The following DMXL2 variants were observed in gnomAD, a reference collection of about 807,000 sequenced individuals.
DMXL2 encodes the protein Dmx like 2.
A neutral mutation model predicts 331.1 loss-of-function variants in DMXL2; 103 were observed. The ratio of observed to expected loss-of-function variants is 0.31; its 90% CI spans 0.27 to 0.37. The LOEUF is 0.37. Ranked by LOEUF, DMXL2 falls within the 10% of genes least tolerant of loss-of-function variation. The pLI, the probability that DMXL2 is intolerant of heterozygous loss-of-function variation, is 1.00. For synonymous variants in DMXL2, 1,281 were observed against 1,252.1 expected (o/e 1.02, Z -0.49); for missense variants, 3,171 against 3,642.9 (o/e 0.87, Z 3.33).
intron 13 of DMXL2, among the ~76,000 whole-genome samples, chr15:51,520,241 A>G (rs1480634671): frequency 6.6e-6 from 1 of 152,116 alleles, no homozygotes; most frequent in Non-Finnish European, 1.5e-5. Context: ...CTTATCTCAG[A>G]TATCTATCTC....
chr15:51,472,329 A>C (rs1250307497), intron 28 of DMXL2, among the ~76,000 whole-genome samples: 1 of 152,192 alleles, frequency 6.6e-6, no homozygotes, highest in African/African-American at 2.4e-5. Flanking sequence ...GACCATAACT[A>C]ACACCCTAGG....
chr15:51,507,833 T>G (rs1247933013), intron 15 of DMXL2, among the ~76,000 whole-genome samples: 1 of 151,524 alleles, frequency 6.6e-6, no homozygotes, highest in Non-Finnish European at 1.5e-5. Context: ...AAACTTAAGT[T>G]GTGGGGGAAG....
chr15:51,465,694 A>C, intron 30 of DMXL2, 43 bp from the exon 31 acceptor site: 1 of 1,385,522 alleles, frequency 7.2e-7, no homozygotes, highest in Non-Finnish European at 1.0e-6. Context: ...TGAAAAATAA[A>C]ATCATGGGAG....
At chr15:51,524,833 A>G (rs973522999) in intron 13 of DMXL2, among the ~76,000 whole-genome samples, 3 of 151,712 alleles carry the variant, frequency 2.0e-5, no homozygotes, top group Non-Finnish European at 4.4e-5. Flanking sequence ...AAGGTCTGCA[A>G]CTCCTAGATG....
intron 6 of DMXL2, among the ~76,000 whole-genome samples, chr15:51,557,268 T>A (rs750349455): frequency 1.1e-4 from 17 of 152,182 alleles, no homozygotes; most frequent in Non-Finnish European, 2.1e-4. Context: ...AAAATTTACA[T>A]GATGATTCCA....
intron 22 of DMXL2, among the ~76,000 whole-genome samples, chr15:51,486,879 T>G (rs1027704385): frequency 5.9e-5 from 9 of 152,156 alleles, no homozygotes; most frequent in South Asian, 2.1e-4. Context: ...GAATATCTTC[T>G]AAGCTAAACT....
At chr15:51,540,197 A>AT (rs201174669) in intron 9 of DMXL2, among the ~76,000 whole-genome samples, 7 of 151,662 alleles carry the variant, frequency 4.6e-5, no homozygotes, top group Non-Finnish European at 1.0e-4. Context: ...AGACTAACAG[A>AT]TTTTTTTTTG....
intron 39 of DMXL2, 136 bp from the exon 40 acceptor site, chr15:51,455,364 A>C: frequency 1.3e-6 from 1 of 765,762 alleles, no homozygotes; most frequent in Non-Finnish European, 2.1e-6. Flanking sequence ...TGTCATTCCC[A>C]AAAAGTCCAA....
intron 1 of DMXL2, 56 bp from the exon 2 acceptor site, chr15:51,576,237 A>G (rs2051034411): frequency 8.1e-7 from 1 of 1,237,398 alleles, no homozygotes; most frequent in African/African-American, 1.6e-5. Context: ...AACTTTTGAA[A>G]TCTTATTACA....
intron 13 of DMXL2, among the ~76,000 whole-genome samples, chr15:51,525,600 TACA>T (rs1303288240): frequency 6.6e-6 from 1 of 152,084 alleles, no homozygotes; most frequent in African/African-American, 2.4e-5. Flanking sequence ...AGGCAGCATT[TACA>T]ACAAGCTAAC....
At chr15:51,474,965 A>G (rs1315977047) in intron 27 of DMXL2, among the ~76,000 whole-genome samples, 2 of 152,194 alleles carry the variant, frequency 1.3e-5, no homozygotes, top group Non-Finnish European at 2.9e-5. Flanking sequence ...TGAAAGTATA[A>G]TATTTTACAC....
chr15:51,537,981 C>G (rs1207853393), intron 10 of DMXL2, among the ~76,000 whole-genome samples: 2 of 152,140 alleles, frequency 1.3e-5, no homozygotes, highest in African/African-American at 4.8e-5. Context: ...TACCATTTAG[C>G]AAAACCTGTT....
intron 1 of DMXL2, among the ~76,000 whole-genome samples, chr15:51,594,374 G>A (rs1004804431): frequency 1.3e-5 from 2 of 152,160 alleles, no homozygotes; most frequent in Admixed American, 6.5e-5. Flanking sequence ...GGAAGAAGTT[G>A]AATCTCTGAA....
chr15:51,523,082 AG>A (rs2047469046), intron 13 of DMXL2, among the ~76,000 whole-genome samples: 1 of 152,250 alleles, frequency 6.6e-6, no homozygotes, highest in Admixed American at 6.5e-5. Flanking sequence ...TTAAAAAGCT[AG>A]CCTTTACTTG....
Position 51,471,349 on chromosome 15 carries a change from C to T in DMXL2, c.7266G>A (p.Met2422Ile), listed in dbSNP as rs2041090300. The T allele has an allele frequency of 6.2e-7, 1 of 1,613,992 alleles. No individual in the cohort carries two copies. The highest frequency in any genetic ancestry group is 8.5e-7 in the Non-Finnish European group (1 of 1,179,938). ...CAGGCCTTCCAGGGACGAGCATTCT[C>T]ATGTTAAATCTCCTACGGTGTTTAT... Reference protein sequence around the residue: ...DIDKHRRRFNMRMLVPGRPVK... With the variant: ...DIDKHRRRFNIRMLVPGRPVK... Residue 2422 changes from methionine (M) to isoleucine (I), a missense_variant, in exon 29 of 44, where the codon ATG becomes ATA. This residue lies in a region of DMXL2 where 766 missense variants were observed against 940.5 expected (regional missense o/e 0.81). Transcript: ENST00000560891.
At position 51,481,306 on chromosome 15, in the gene DMXL2, C is replaced by T. The variant is rs1224362123; in HGVS notation, c.5800G>A (p.Val1934Ile). The T allele has an allele frequency of 6.2e-7, 1 of 1,614,118 alleles. No homozygotes were observed. The highest frequency in any genetic ancestry group is 1.7e-5 in the Admixed American group (1 of 60,014). ...CTCAGAGCTTTTGAATGTGAAGGTA[C>T]ATCATCCATCCTGTGAGAAATGAAG... is the stretch of plus-strand genomic sequence containing the variant. ...PDFISHRMDDVPSHSKALSDG... is the reference protein window; with the variant it reads ...PDFISHRMDDIPSHSKALSDG... The change falls in exon 24 of 44, where the codon GTA (valine) becomes ATA (isoleucine). Residue 1934 changes from valine (V) to isoleucine (I), a missense_variant. By Grantham distance (29) the Val-to-Ile change is conservative. Transcript: ENST00000560891.
chr15:51,465,029 T>C (rs1189621295), intron 31 of DMXL2, among the ~76,000 whole-genome samples, 153 bp from the exon 32 acceptor site: 2 of 152,254 alleles, frequency 1.3e-5, no homozygotes, highest in Non-Finnish European at 2.9e-5. Context: ...CTTAATGCTT[T>C]CAACAAAACA....
At chr15:51,487,104 T>C (rs2042449394) in intron 22 of DMXL2, among the ~76,000 whole-genome samples, 2 of 152,174 alleles carry the variant, frequency 1.3e-5, no homozygotes, top group South Asian at 4.1e-4. Context: ...GAGGAAGATA[T>C]CAGAAGTAAA....
At chr15:51,458,915 C>A (rs865865794) in intron 34 of DMXL2, 120 bp from the exon 35 acceptor site, 9 of 624,578 alleles carry the variant, frequency 1.4e-5, no homozygotes, top group Admixed American at 6.3e-5. Context: ...GCAGCAGCAG[C>A]AGCAAGAAAA....
Sources: allele counts gnomAD v4.1 joint callset (sites outside exome capture counted in the v4.1 genomes callset), GRCh38; gene constraint gnomAD v4.1.1; regional missense constraint gnomAD v4.1.1; transcripts MANE v1.5; gene names NCBI Gene and HGNC (gene_info 2026-07-23, HGNC 2026-07-21).